The following OGA variants were observed in gnomAD, a reference collection of about 807,000 sequenced individuals.
The protein encoded by OGA is protein O-GlcNAcase.
Under a neutral mutation model 102.0 loss-of-function variants are expected in OGA, and 21 were observed. That is an observed-to-expected ratio of 0.21 (90% confidence interval 0.15 to 0.30). The LOEUF is 0.30. Ranked by LOEUF, OGA falls within the 10% of genes least tolerant of loss-of-function variation. The pLI is 1.00. For missense variants in OGA, 765 were observed against 1,107.8 expected, an observed-to-expected ratio of 0.69 and a Z score of 4.39; for synonymous variants, 408 against 378.2, an observed-to-expected ratio of 1.08 and a Z score of -0.91.
At chr10:101,787,595 G>A in intron 14 of OGA, 72 bp from the exon 15 acceptor site, 1 of 1,284,546 alleles carries the variant, frequency 7.8e-7, no homozygotes, top group African/African-American at 1.5e-5. Context: ...ACAGAACTTA[G>A]CAACAAGAAA....
intron 1 of OGA, 60 bp from the exon 2 acceptor site, chr10:101,813,666 G>C (rs2065585907): frequency 2.8e-6 from 3 of 1,052,888 alleles, no homozygotes; most frequent in Non-Finnish European, 4.3e-6. Flanking sequence ...GCTTTATTGA[G>C]AAAAGCAAGT....
rs765924532 is a variant in OGA at position 101,796,270 on chromosome 10, C to A, written c.1984+1710G>T. Among the ~76,000 whole-genome samples, 8 of 152,142 alleles carry A rather than the reference C, an allele frequency of 5.3e-5. No homozygotes were observed. The East Asian group carries it at 1.5e-3, about 29-fold the overall frequency. ...TACAGGAGCTATACAGAGCCTCCCC[C>A]CAGCCCCACAAGATGAAGTCTCGCT... On this transcript the variant is annotated intron_variant, in intron 10 of 15. Coordinates refer to ENST00000361464, the MANE Select transcript of OGA (RefSeq NM_012215.5).
In OGA at chr10:101,806,205, T is replaced by C. The variant is rs933116958; in HGVS notation, c.653-62A>G. 4 of 1,071,054 alleles carry C rather than the reference T, an allele frequency of 3.7e-6. No individual in the cohort carries two copies. In the African/African-American group the frequency reaches 4.7e-5, roughly 13 times the overall value. 66.3% of individuals were successfully genotyped at this position (1,071,054 alleles called of 1,614,324 possible). ...AAATGCTCATGGGTTTTCTCTTTGT[T>C]TGTTTGTTTTCTTTGAGACGGAGTC... is the stretch of plus-strand genomic sequence containing the variant. On this transcript the variant is annotated intron_variant, in intron 5 of 15. Coordinates refer to ENST00000361464, the MANE Select transcript of OGA (RefSeq NM_012215.5).
chr10:101,818,408 T>C lies in OGA; in HGVS notation c.-386A>G, dbSNP rs909146331. On this transcript the variant is annotated 5_prime_UTR_variant, in exon 1 of 16. Coordinates refer to ENST00000361464, the MANE Select transcript of OGA (RefSeq NM_012215.5). ...CCCTCCAAGCCCCGAGCTCTCCCTCTGCTGCTGCCTCCACCGCCCGCTTCC... is the reference window on the plus strand; with the variant it reads ...CCCTCCAAGCCCCGAGCTCTCCCTCCGCTGCTGCCTCCACCGCCCGCTTCC... 6.9e-6 allele frequency: 7 copies of C among 1,019,048 alleles called. No individual in the cohort carries two copies. Among genetic ancestry groups the C allele is most frequent in the Non-Finnish European group, 8.2e-6 (7 of 851,204 alleles). The allele number at this position is 1,019,048 out of a possible 1,614,324, so 63.1% of individuals were successfully genotyped here.
chr10:101,797,825 G>A (rs563023164), intron 10 of OGA, 155 bp downstream of exon 10: 2 of 688,232 alleles, frequency 2.9e-6, no homozygotes, highest in African/African-American at 1.8e-5. Flanking sequence ...TGCATCTCAA[G>A]TCTTCAATAA....
At chr10:101,805,059 C>T (rs1040185506) in intron 6 of OGA, among the ~76,000 whole-genome samples, 8 of 151,962 alleles carry the variant, frequency 5.3e-5, no homozygotes, top group Non-Finnish European at 1.0e-4. Flanking sequence ...TTTTTTGAGA[C>T]AGGGTCTCAT....
At chr10:101,808,051 CG>C (rs2065499398) in intron 4 of OGA, 150 bp from the exon 5 acceptor site, 9 of 757,068 alleles carry the variant, frequency 1.2e-5, no homozygotes, top group Admixed American at 8.1e-5. Context: ...ATTAAAAAAT[CG>C]TAAGTTAAAC....
intron 5 of OGA, 98 bp downstream of exon 5, chr10:101,807,632 A>C: frequency 2.3e-6 from 2 of 853,916 alleles, no homozygotes. Context: ...TTACACACCA[A>C]AGGAGGAGGG....
intron 14 of OGA, among the ~76,000 whole-genome samples, chr10:101,790,663 T>C (rs1267797576): frequency 6.6e-6 from 1 of 152,160 alleles, no homozygotes; most frequent in Non-Finnish European, 1.5e-5. Flanking sequence ...TGAGGAAATA[T>C]TACAATAGTA....
At position 101,787,423 on chromosome 10, in the gene OGA, G is replaced by C; in HGVS notation, c.2555C>G (p.Thr852Ser). The change falls in exon 15 of 16, where the codon ACT becomes AGT. Residue 852 changes from threonine (T) to serine (S), a missense_variant. Physicochemically the swap from Thr to Ser is moderately conservative, Grantham distance 58 (BLOSUM62 1). Transcript: ENST00000361464. ...CATGCTTTTGGCCACACTTGGGTCAGTTACTTTTTTGTGAATGTCCATCTT... is the reference window on the plus strand; with the variant it reads ...CATGCTTTTGGCCACACTTGGGTCACTTACTTTTTTGTGAATGTCCATCTT... ...LIKMDIHKKVTDPSVAKSMMA... is the reference protein window; with the variant it reads ...LIKMDIHKKVSDPSVAKSMMA... 6.2e-7 allele frequency: 1 copy of C among 1,614,144 alleles called. No homozygotes were observed. The highest frequency in any genetic ancestry group is 8.5e-7 in the Non-Finnish European group (1 of 1,179,982).
chr10:101,784,511 T>C lies in OGA; in HGVS notation c.*1940A>G, dbSNP rs951606511. Reference sequence around the variant, plus strand: ...TTTACAGTTCGTTTTCTACAGGAACTGAGCTCTGATCCAAACAATCAATAA... The same window carrying C: ...TTTACAGTTCGTTTTCTACAGGAACCGAGCTCTGATCCAAACAATCAATAA... On this transcript the variant is annotated 3_prime_UTR_variant, in exon 16 of 16. Transcript: ENST00000361464. 2.6e-5 allele frequency: 4 copies of C among 152,698 alleles called. No homozygotes were observed. Among genetic ancestry groups the C allele is most frequent in the African/African-American group, 4.8e-5 (2 of 41,460 alleles). 9.5% of individuals were successfully genotyped at this position (152,698 alleles called of 1,614,324 possible). A position where few individuals can be genotyped will look rare whatever the true frequency, so the allele number is the denominator to read the frequency against.
At chr10:101,805,920 A>G in intron 6 of OGA, 125 bp downstream of exon 6, 1 of 609,412 alleles carries the variant, frequency 1.6e-6, no homozygotes, top group South Asian at 1.6e-5. Context: ...ATGCCACTGG[A>G]CTCCATCCTG....
intron 3 of OGA, among the ~76,000 whole-genome samples, chr10:101,810,615 G>A (rs1478500058): frequency 6.6e-6 from 1 of 152,146 alleles, no homozygotes; most frequent in Non-Finnish European, 1.5e-5. Context: ...GGGGAAACAG[G>A]CTAAAATCAA....
At position 101,785,295 on chromosome 10, in the gene OGA, A is replaced by G. The variant is rs549125588; in HGVS notation, c.*1156T>C. On this transcript the variant is annotated 3_prime_UTR_variant, in exon 16 of 16. Transcript: ENST00000361464. ...GGTTAAAGGAAAAAGGTAACTGTAAATAACTGGTTAAAGTGTGCTCATTCA... is the reference window on the plus strand; with the variant it reads ...GGTTAAAGGAAAAAGGTAACTGTAAGTAACTGGTTAAAGTGTGCTCATTCA... 1 of 152,416 alleles carries G rather than the reference A, an allele frequency of 6.6e-6. No homozygotes were observed. The highest frequency in any genetic ancestry group is 1.5e-5 in the Non-Finnish European group (1 of 68,032). 9.4% of individuals were successfully genotyped at this position (152,416 alleles called of 1,614,324 possible).
At chr10:101,815,609 G>C (rs2065611560) in intron 1 of OGA, among the ~76,000 whole-genome samples, 1 of 151,974 alleles carries the variant, frequency 6.6e-6, no homozygotes, top group Non-Finnish European at 1.5e-5. Context: ...TGATCAGGCA[G>C]ACCTATACAA....
In OGA at chr10:101,814,650, A is replaced by G. The variant is rs557169174; in HGVS notation, c.200-1044T>C. ...GGGACCAAAAAATGCCTGAAACCAC[A>G]TTCCCAAGAAATTCAACAGCCTAAC... On this transcript the variant is annotated intron_variant, in intron 1 of 15. Coordinates refer to ENST00000361464, the MANE Select transcript of OGA (RefSeq NM_012215.5). Among the ~76,000 whole-genome samples, 14 of 152,334 alleles carry G rather than the reference A, an allele frequency of 9.2e-5. No homozygotes were observed. The South Asian group carries it at 1.9e-3, about 20-fold the overall frequency.
chr10:101,800,378 C>A lies in OGA; in HGVS notation c.1059G>T (p.Val353=). 6.2e-7 allele frequency: 1 copy of A among 1,613,352 alleles called. No homozygotes were observed. The change falls in exon 8 of 16, where the codon GTG becomes GTT. Residue 353 remains valine (V), a synonymous_variant. Coordinates refer to ENST00000361464, the MANE Select transcript of OGA (RefSeq NM_012215.5). ...VVMTDSEDST[V]SIQIKLENEG... is the part of the protein sequence containing the mutation. The stretch of plus-strand genomic sequence containing the variant: ...CATTTTCTAATTTTATCTGGATGGA[C>A]ACAGTACTATCTTCACTGTCAGCTG...
chr10:101,801,605 G>A (rs1452356668), intron 7 of OGA, among the ~76,000 whole-genome samples: 1 of 152,114 alleles, frequency 6.6e-6, no homozygotes, highest in African/African-American at 2.4e-5. Context: ...GTTCCTTGCT[G>A]TGCCTTAAAA....
intron 1 of OGA, among the ~76,000 whole-genome samples, chr10:101,816,929 G>T (rs982330224): frequency 2.6e-5 from 4 of 152,294 alleles, no homozygotes; most frequent in Middle Eastern, 3.4e-3. Context: ...ATACGAGAGA[G>T]ATATAAAACA....
Sources: allele counts gnomAD v4.1 joint callset (sites outside exome capture counted in the v4.1 genomes callset), GRCh38; gene constraint gnomAD v4.1.1; transcripts MANE v1.5; gene names NCBI Gene and HGNC (gene_info 2026-07-23, HGNC 2026-07-21).